GLB1L: variants seen among roughly 807,000 people sequenced by gnomAD.
GLB1L encodes the protein beta-galactosidase-1-like protein.
In GLB1L, 58 loss-of-function variants were observed where a neutral mutation model predicts 75.7. That is an observed-to-expected ratio of 0.77 (90% CI 0.62 to 0.95). The LOEUF is 0.95. Ranked by LOEUF, GLB1L falls within the 40% of genes least tolerant of loss-of-function variation. The pLI, the probability that GLB1L is intolerant of heterozygous loss-of-function variation, is 0.00. For missense variants in GLB1L, 797 were observed against 805.5 expected, an observed-to-expected ratio of 0.99 and a Z score of 0.13; for synonymous variants, 296 against 303.0, an observed-to-expected ratio of 0.98 and a Z score of 0.24.
Position 219,238,326 on chromosome 2 carries a change from T to C in GLB1L, c.1265A>G (p.His422Arg), listed in dbSNP as rs1951302327. 1 of 1,612,954 alleles carries C rather than the reference T, an allele frequency of 6.2e-7. No individual in the cohort carries two copies. The highest frequency in any genetic ancestry group is 8.5e-7 in the Non-Finnish European group (1 of 1,179,366). Residue 422 changes from histidine to arginine, a missense_variant, in exon 14 of 17, where the codon CAT becomes CGT. By Grantham distance (29) the His-to-Arg change is conservative (BLOSUM62 0). Coordinates refer to ENST00000295759, the MANE Select transcript of GLB1L (RefSeq NM_001286423.2). ...GFMLYRTYMT[H>R]TIFEPTPFWV... ...GAATGGTGTTGGCTCAAAAATGGTA[T>C]GGGTCATATAGGTTCGGTACAACAT...
chr2:219,238,224 C>A, intron 14 of GLB1L, 26 bp downstream of exon 14: 1 of 1,484,054 alleles, frequency 6.7e-7, no homozygotes, highest in Admixed American at 2.0e-5. Context: ...GAGTTTGGGG[C>A]TCACAGCCTG....
Position 219,237,553 on chromosome 2 carries a change from A to T in GLB1L, c.1648T>A (p.Ser550Thr). ...AGATATAGAAATGTGTCCCCAACTG[A>T]GCCTAAAATTGGAAATGTTTTGGAG... is the stretch of plus-strand genomic sequence containing the variant. ...FYSKTFPILG[S>T]VGDTFLYLPG... is the part of the protein sequence containing the mutation. The change falls in exon 16 of 17, where the codon TCA (serine) becomes ACA (threonine). Residue 550 changes from serine to threonine, a missense_variant. Physicochemically the swap from Ser to Thr is moderately conservative, Grantham distance 58 (BLOSUM62 1). Coordinates refer to ENST00000295759, the MANE Select transcript of GLB1L (RefSeq NM_001286423.2). The T allele has an allele frequency of 6.2e-7, 1 of 1,614,106 alleles. No homozygotes were observed.
chr2:219,243,193 T>C lies in GLB1L; in HGVS notation c.194A>G (p.Asp65Gly). Reference protein sequence around the residue: ...YFRVPRVLWADRLLKMRWSGL... With the variant: ...YFRVPRVLWAGRLLKMRWSGL... ...GCTCCATCGCATCTTCAAAAGCCGGTCGGCCCAAAGCACCCGCGGTACCCG... is the reference window on the plus strand; with the variant it reads ...GCTCCATCGCATCTTCAAAAGCCGGCCGGCCCAAAGCACCCGCGGTACCCG... The change falls in exon 3 of 17, where the codon GAC becomes GGC. Residue 65 changes from aspartate (D) to glycine (G), a missense_variant. Asp to Gly is a moderately conservative substitution (Grantham distance 94). Coordinates refer to ENST00000295759, the MANE Select transcript of GLB1L (RefSeq NM_001286423.2). 6.2e-7 allele frequency: 1 copy of C among 1,613,728 alleles called. No homozygotes were observed. Among genetic ancestry groups the C allele is most frequent in the Non-Finnish European group, 8.5e-7 (1 of 1,179,842 alleles).
chr2:219,238,250 CCCATCCA>C lies in GLB1L; in HGVS notation c.1334_1340del (p.Val445GlyfsTer11). On this transcript the variant is annotated frameshift_variant and splice_region_variant, in exon 14 of 17. Coordinates refer to ENST00000295759, the MANE Select transcript of GLB1L (RefSeq NM_001286423.2). LOFTEE classifies it high-confidence loss of function. ...TCACAGCCTGGAATTAGGTTCTCAC[CCCATCCA>C]CCATCACATAGGCACGGTCATGGAC... 6.3e-7 allele frequency: 1 copy of C among 1,589,412 alleles called. No individual in the cohort carries two copies. Among genetic ancestry groups the C allele is most frequent in the Non-Finnish European group, 8.6e-7 (1 of 1,165,994 alleles).
chr2:219,240,122 C>T (rs372369264), intron 6 of GLB1L, 28 bp from the exon 7 acceptor site: 142 of 1,614,106 alleles, frequency 8.8e-5, no homozygotes, highest in Non-Finnish European at 1.1e-4. Context: ...AAGTGGAACC[C>T]AGCTATGGGA....
Position 219,239,401 on chromosome 2 carries a change from C to T in GLB1L, c.943+10G>A. The stretch of plus-strand genomic sequence containing the variant: ...TCCCTGCTTCTATCCCAGGGACCAT[C>T]TGGACTCACCATTCCAATATCCAAA... On this transcript the variant is annotated intron_variant, in intron 10 of 16. Transcript: ENST00000295759. 1 of 1,591,540 alleles carries T rather than the reference C, an allele frequency of 6.3e-7. No individual in the cohort carries two copies. Among genetic ancestry groups the T allele is most frequent in the East Asian group, 2.2e-5 (1 of 44,704 alleles).
chr2:219,242,594 AAC>A lies in GLB1L; in HGVS notation c.391-22_391-21del, dbSNP rs1269540921. The stretch of plus-strand genomic sequence containing the variant: ...ACCCCCCTGAGACAAACATAAAGAG[AAC>A]AAAGAAGCATGTAGGTTTTGTTTTG... On this transcript the variant is annotated intron_variant, in intron 4 of 16. Transcript: ENST00000295759. The A allele has an allele frequency of 6.2e-7, 1 of 1,609,764 alleles. No homozygotes were observed. Among genetic ancestry groups the A allele is most frequent in the African/African-American group, 1.3e-5 (1 of 74,788 alleles).
intron 5 of GLB1L, among the ~76,000 whole-genome samples, chr2:219,241,998 T>C (rs1340836585): frequency 1.3e-5 from 2 of 152,138 alleles, no homozygotes; most frequent in African/African-American, 4.8e-5. Context: ...GATTTTCTCT[T>C]TTTTGAGACA....
chr2:219,242,684 G>GA (rs1951420580), intron 4 of GLB1L, 84 bp downstream of exon 4: 16 of 1,539,164 alleles, frequency 1.0e-5, no homozygotes, highest in African/African-American at 1.4e-5. Context: ...TAGTGCTGGA[G>GA]ATGGCCCTAG....
rs1467773847 is a variant in GLB1L, at chr2:219,239,396, A to G, written c.943+15T>C. On this transcript the variant is annotated intron_variant, in intron 10 of 16. Transcript: ENST00000295759. The stretch of plus-strand genomic sequence containing the variant: ...TTACCTCCCTGCTTCTATCCCAGGG[A>G]CCATCTGGACTCACCATTCCAATAT... 3 of 1,581,782 alleles carry G rather than the reference A, an allele frequency of 1.9e-6. No homozygotes were observed. Among genetic ancestry groups the G allele is most frequent in the Non-Finnish European group, 1.7e-6 (2 of 1,163,092 alleles).
At chr2:219,240,393 T>A in intron 5 of GLB1L, 108 bp from the exon 6 acceptor site, 1 of 873,724 alleles carries the variant, frequency 1.1e-6, no homozygotes, top group Non-Finnish European at 1.9e-6. Context: ...CCTAAGCACC[T>A]TGTATATTTG....
intron 16 of GLB1L, 63 bp downstream of exon 16, chr2:219,237,449 C>T: frequency 1.9e-6 from 3 of 1,603,006 alleles, no homozygotes; most frequent in South Asian, 1.1e-5. Context: ...CTTTCTGCTC[C>T]CCTCCTTCTG....
chr2:219,244,985 A>G (rs1419808767), intron 1 of GLB1L, among the ~76,000 whole-genome samples: 2 of 152,242 alleles, frequency 1.3e-5, no homozygotes, highest in Non-Finnish European at 2.9e-5. Flanking sequence ...AGGTTAAGTA[A>G]CTTGCCCGAG....
chr2:219,243,849 G>A (rs1426681758), intron 1 of GLB1L: 2 of 402,704 alleles, frequency 5.0e-6, no homozygotes, highest in Non-Finnish European at 9.4e-6. Context: ...GCTCACGCCT[G>A]TAATCCCAAC....
In GLB1L at chr2:219,237,568, A is replaced by G. The variant is rs1288554201; in HGVS notation, c.1633T>C (p.Phe545Leu). Residue 545 changes from phenylalanine to leucine, a missense_variant, in exon 16 of 17, where the codon TTT becomes CTT. Coordinates refer to ENST00000295759, the MANE Select transcript of GLB1L (RefSeq NM_001286423.2). ...PSGPTFYSKTFPILGSVGDTF... is the reference protein window; with the variant it reads ...PSGPTFYSKTLPILGSVGDTF... ...TCCCCAACTGAGCCTAAAATTGGAA[A>G]TGTTTTGGAGTAGAATGTGGGGCCA... 1.2e-6 allele frequency: 2 copies of G among 1,614,166 alleles called. No individual in the cohort carries two copies. Among genetic ancestry groups the G allele is most frequent in the South Asian group, 2.2e-5 (2 of 91,076 alleles).
chr2:219,238,298 C>T lies in GLB1L; in HGVS notation c.1293G>A (p.Trp431Ter). ...THTIFEPTPF[W>*]VPNNGVHDRA... ...GGTCATGGACTCCATTATTTGGCAC[C>T]CAGAATGGTGTTGGCTCAAAAATGG... Residue 431 changes from tryptophan (W) to a stop codon, truncating the protein, a stop_gained, in exon 14 of 17, where the codon TGG becomes TGA. Transcript: ENST00000295759. LOFTEE classifies it high-confidence loss of function. 2 of 1,612,910 alleles carry T rather than the reference C, an allele frequency of 1.2e-6. No individual in the cohort carries two copies. The highest frequency in any genetic ancestry group is 1.7e-6 in the Non-Finnish European group (2 of 1,179,348).
chr2:219,243,471 C>T (rs750982717), intron 2 of GLB1L, 31 bp downstream of exon 2: 1 of 1,613,066 alleles, frequency 6.2e-7, no homozygotes, highest in Non-Finnish European at 8.5e-7. Flanking sequence ...GCTCACCGCA[C>T]CCGGCAGGCT....
At chr2:219,239,890 C>A in intron 7 of GLB1L, 30 bp downstream of exon 7, 1 of 1,614,046 alleles carries the variant, frequency 6.2e-7, no homozygotes, top group Non-Finnish European at 8.5e-7. Flanking sequence ...GTCCTTTCCC[C>A]AGACTCCACT....
At chr2:219,242,026 C>T (rs1288884220) in intron 5 of GLB1L, among the ~76,000 whole-genome samples, 1 of 152,178 alleles carries the variant, frequency 6.6e-6, no homozygotes, top group Non-Finnish European at 1.5e-5. Flanking sequence ...TTCAATCTGT[C>T]ACCCAGGCTG....
Sources: gnomAD v4.1 joint callset for allele counts (sites outside exome capture counted in the v4.1 genomes callset) on GRCh38, gnomAD v4.1.1 for gene constraint, MANE v1.5 for transcripts, NCBI Gene and HGNC (gene_info 2026-07-23, HGNC 2026-07-21) for gene names.